The following EBF1 variants were observed in gnomAD, a reference collection of about 807,000 sequenced individuals.
The protein encoded by EBF1 is EBF transcription factor 1.
EBF1 carries 10 observed loss-of-function variants against 68.4 expected under a neutral mutation model. The observed-to-expected ratio is 0.15, with a 90% CI of 0.09 to 0.25. EBF1 has a LOEUF of 0.25. Among genes scored for constraint, EBF1 ranks in the 10% least tolerant of loss-of-function variants. EBF1 has a pLI of 1.00. For missense variants in EBF1, 509 were observed against 794.4 expected, an observed-to-expected ratio of 0.64 and a Z score of 4.32; for synonymous variants, 298 against 299.8, an observed-to-expected ratio of 0.99 and a Z score of 0.06.
intron 6 of EBF1, among the ~76,000 whole-genome samples, chr5:158,927,282 T>C (rs1809897248): frequency 6.6e-6 from 1 of 152,174 alleles, no homozygotes. Context: ...TCATCATCGA[T>C]GTTGTCATCA....
chr5:158,774,281 G>T (rs374846661), intron 10 of EBF1, among the ~76,000 whole-genome samples: 8 of 152,118 alleles, frequency 5.3e-5, no homozygotes, highest in African/African-American at 1.4e-4. Context: ...TCTGTGCTTG[G>T]TCAGATTCTT....
At chr5:158,828,892 G>A (rs1046942335) in intron 7 of EBF1, among the ~76,000 whole-genome samples, 1 of 152,150 alleles carries the variant, frequency 6.6e-6, no homozygotes, top group African/African-American at 2.4e-5. Context: ...CAGTCATAGA[G>A]GGGTCTTAAA....
chr5:158,969,872 G>T (rs1252130618), intron 6 of EBF1, among the ~76,000 whole-genome samples: 2 of 71,440 alleles, frequency 2.8e-5, no homozygotes, highest in African/African-American at 1.0e-4. Flanking sequence ...AAGAAAGAAA[G>T]AAAGAAAGAA....
intron 6 of EBF1, among the ~76,000 whole-genome samples, chr5:159,011,926 G>A (rs1764742801): frequency 6.6e-6 from 1 of 152,216 alleles, no homozygotes; most frequent in African/African-American, 2.4e-5. Context: ...TCATTCGGAA[G>A]CCACTTGGCT....
intron 6 of EBF1, among the ~76,000 whole-genome samples, chr5:158,888,065 G>A (rs1800397271): frequency 1.3e-5 from 2 of 152,104 alleles, no homozygotes; most frequent in African/African-American, 4.8e-5. Context: ...AGTAAAGCTG[G>A]CAGGTGAGGG....
chr5:158,965,197 C>A (rs1413340764), intron 6 of EBF1, among the ~76,000 whole-genome samples: 1 of 152,144 alleles, frequency 6.6e-6, no homozygotes, highest in Admixed American at 6.5e-5. Context: ...TTCTAGGATC[C>A]ACCTCCATAT....
At chr5:158,858,620 C>T (rs1794464694) in intron 6 of EBF1, among the ~76,000 whole-genome samples, 1 of 152,162 alleles carries the variant, frequency 6.6e-6, no homozygotes, top group South Asian at 2.1e-4. Flanking sequence ...CCAAAATCTC[C>T]CCAAATTCTC....
At chr5:158,804,445 G>A (rs538503497) in intron 8 of EBF1, among the ~76,000 whole-genome samples, 20 of 152,188 alleles carry the variant, frequency 1.3e-4, no homozygotes, top group Non-Finnish European at 2.4e-4. Context: ...AAAAATGCTG[G>A]TGCAACAACT....
intron 11 of EBF1, among the ~76,000 whole-genome samples, chr5:158,721,362 C>G (rs866466345): frequency 6.6e-6 from 1 of 151,902 alleles, no homozygotes; most frequent in Non-Finnish European, 1.5e-5. Flanking sequence ...TACTAACTTA[C>G]GTGATTGACT....
intron 6 of EBF1, among the ~76,000 whole-genome samples, chr5:158,935,763 G>A (rs1053140738): frequency 2.6e-5 from 4 of 152,116 alleles, no homozygotes; most frequent in Non-Finnish European, 4.4e-5. Flanking sequence ...ATCTGAAGTA[G>A]GGACCATGTA....
intron 6 of EBF1, among the ~76,000 whole-genome samples, chr5:158,941,878 T>C (rs1463879944): frequency 1.3e-5 from 2 of 152,172 alleles, no homozygotes; most frequent in African/African-American, 4.8e-5. Context: ...TCTTTTCTAA[T>C]GCTCTGAAGG....
At chr5:158,948,390 C>A (rs1815291956) in intron 6 of EBF1, among the ~76,000 whole-genome samples, 1 of 151,992 alleles carries the variant, frequency 6.6e-6, no homozygotes, top group African/African-American at 2.4e-5. Flanking sequence ...AAAAAAAAAC[C>A]ACTGTAGCAG....
At chr5:158,949,664 T>C (rs943624001) in intron 6 of EBF1, among the ~76,000 whole-genome samples, 1 of 152,216 alleles carries the variant, frequency 6.6e-6, no homozygotes, top group Non-Finnish European at 1.5e-5. Flanking sequence ...TGTGGTACTT[T>C]GGTTTAGATG....
intron 6 of EBF1, among the ~76,000 whole-genome samples, chr5:158,895,451 A>T (rs1337228350): frequency 6.6e-6 from 1 of 152,214 alleles, no homozygotes; most frequent in Non-Finnish European, 1.5e-5. Context: ...GTGGACATTT[A>T]CAGAGTACTT....
intron 4 of EBF1, among the ~76,000 whole-genome samples, chr5:159,091,802 C>A (rs1168460539): frequency 6.6e-6 from 1 of 152,024 alleles, no homozygotes; most frequent in Non-Finnish European, 1.5e-5. Context: ...GTACCTTGGA[C>A]CCCCCACTGT....
chr5:158,851,518 AG>A (rs1276337642), intron 6 of EBF1, among the ~76,000 whole-genome samples: 13 of 40,470 alleles, frequency 3.2e-4, no homozygotes, highest in African/African-American at 1.4e-3. Flanking sequence ...AGGGAAGGGG[AG>A]GGGGGAGAAA....
intron 6 of EBF1, among the ~76,000 whole-genome samples, chr5:158,883,478 T>C (rs1451386703): frequency 6.6e-6 from 1 of 151,982 alleles, no homozygotes; most frequent in Non-Finnish European, 1.5e-5. Flanking sequence ...ACCCAGGTGA[T>C]GCAGAGAGTT....
chr5:158,709,965 T>G (rs368620483), intron 14 of EBF1, among the ~76,000 whole-genome samples: 1 of 151,968 alleles, frequency 6.6e-6, no homozygotes, highest in Non-Finnish European at 1.5e-5. Flanking sequence ...TTAACAGAGG[T>G]AGAGGTAAAA....
In EBF1 at chr5:158,856,129, G is replaced by A. The variant is rs1202938491; in HGVS notation, c.555-16019C>T. On this transcript the variant is annotated intron_variant, in intron 6 of 15. Coordinates refer to ENST00000313708, the MANE Select transcript of EBF1 (RefSeq NM_024007.5). Reference sequence around the variant, plus strand: ...AATTCTTCTCTGAGTTTTCATCCCTGTCTCTGGGGTTCTTCTGCTGATGGC... The same window carrying A: ...AATTCTTCTCTGAGTTTTCATCCCTATCTCTGGGGTTCTTCTGCTGATGGC... Among the ~76,000 whole-genome samples, 3 of 152,184 alleles carry A rather than the reference G, an allele frequency of 2.0e-5. No homozygotes were observed. In the East Asian group the frequency reaches 5.8e-4, roughly 29 times the overall value.
Sources: allele counts gnomAD v4.1 joint callset (sites outside exome capture counted in the v4.1 genomes callset), GRCh38; gene constraint gnomAD v4.1.1; transcripts MANE v1.5; gene names NCBI Gene and HGNC (gene_info 2026-07-23, HGNC 2026-07-21).